Variants in LINGO2 observed in about 807,000 individuals in gnomAD.
The protein encoded by LINGO2 is leucine rich repeat and Ig domain containing 2.
Under a neutral mutation model 30.6 loss-of-function variants are expected in LINGO2, and 14 were observed. The ratio of observed to expected loss-of-function variants is 0.46; its 90% CI spans 0.30 to 0.72. The LOEUF is 0.72. Among genes scored for constraint, LINGO2 ranks in the 30% least tolerant of loss-of-function variants. The probability of loss-of-function intolerance (pLI) is 0.07; values close to 1 mark genes in which losing one functional copy is unlikely to be tolerated. For missense variants in LINGO2, 729 were observed against 751.7 expected (o/e 0.97, Z 0.35); for synonymous variants, 317 against 288.5 (o/e 1.10, Z -1.00).
At chr9:28,494,441 C>T (rs1251977808) in intron 1 of LINGO2, among the ~76,000 whole-genome samples, 1 of 152,122 alleles carries the variant, frequency 6.6e-6, no homozygotes, top group African/African-American at 2.4e-5. Context: ...TTGTTCAGTT[C>T]CCACTTTTGA....
intron 1 of LINGO2, among the ~76,000 whole-genome samples, chr9:28,618,542 T>A (rs754896778): frequency 6.6e-6 from 1 of 152,164 alleles, no homozygotes; most frequent in African/African-American, 2.4e-5. Context: ...TCTCTAGTGA[T>A]TCTTCATCAT....
chr9:28,510,086 G>T (rs1015968898), intron 1 of LINGO2, among the ~76,000 whole-genome samples: 2 of 152,176 alleles, frequency 1.3e-5, no homozygotes. Flanking sequence ...GTTGATTAGG[G>T]CTTGGAAATG....
chr9:28,010,323 C>T (rs958019287), intron 5 of LINGO2, among the ~76,000 whole-genome samples: 5 of 152,132 alleles, frequency 3.3e-5, no homozygotes, highest in African/African-American at 1.2e-4. Flanking sequence ...TGAGTTGTAA[C>T]AGCATTGAGT....
At chr9:28,875,570 T>C in the LINGO2 span, among the ~76,000 whole-genome samples, 4 of 152,204 alleles carry the variant, frequency 2.6e-5, no homozygotes, top group Middle Eastern at 6.8e-3. Flanking sequence ...GGGGCATATA[T>C]TGCATTTATT....
At chr9:28,023,205 T>C (rs1041785844) in intron 4 of LINGO2, among the ~76,000 whole-genome samples, 3 of 152,192 alleles carry the variant, frequency 2.0e-5, no homozygotes, top group Non-Finnish European at 4.4e-5. Flanking sequence ...TTTTTCTTGT[T>C]TTACTATACC....
rs145653745 is a variant in LINGO2 at position 28,344,589 on chromosome 9, A to G, written c.-246+28247T>C. 5.8e-3 allele frequency among the ~76,000 whole-genome samples: 877 copies of G among 152,206 alleles called. 7 individuals carry two copies. Among genetic ancestry groups the G allele is most frequent in the African/African-American group, 0.02 (841 of 41,554 alleles). ...TGAATTGTGGGATTAGATTATTTTTATTCTTTTCTGTTTGCTTTTGTGGAT... is the reference window on the plus strand; with the variant it reads ...TGAATTGTGGGATTAGATTATTTTTGTTCTTTTCTGTTTGCTTTTGTGGAT... On this transcript the variant is annotated intron_variant, in intron 3 of 5. Transcript: ENST00000379992.
At chr9:28,718,058 TATAAC>T in the LINGO2 span, among the ~76,000 whole-genome samples, 1 of 151,848 alleles carries the variant, frequency 6.6e-6, no homozygotes, top group African/African-American at 2.4e-5. Flanking sequence ...TAGGCAATGT[TATAAC>T]AGAGATGGCA....
At chr9:28,612,456 TG>T (rs1825960721) in intron 1 of LINGO2, among the ~76,000 whole-genome samples, 1 of 152,154 alleles carries the variant, frequency 6.6e-6, no homozygotes, top group South Asian at 2.1e-4. Context: ...AGGGGGGCTA[TG>T]TCCTGGAAAG....
At chr9:28,770,930 T>G in the LINGO2 span, among the ~76,000 whole-genome samples, 1 of 152,202 alleles carries the variant, frequency 6.6e-6, no homozygotes. Context: ...AAAATCATCC[T>G]GGCTTAATGG....
chr9:28,125,433 T>C (rs1280841422), intron 4 of LINGO2, among the ~76,000 whole-genome samples: 1 of 152,224 alleles, frequency 6.6e-6, no homozygotes, highest in Non-Finnish European at 1.5e-5. Context: ...AAAACTTCTT[T>C]TAGCACATTA....
intron 1 of LINGO2, among the ~76,000 whole-genome samples, chr9:28,527,211 T>A: frequency 6.6e-6 from 1 of 152,160 alleles, no homozygotes; most frequent in East Asian, 1.9e-4. Context: ...ATTAAATAAA[T>A]GCAGAGCTGA....
chr9:28,540,549 A>C lies in LINGO2; in HGVS notation c.-364-64524T>G, dbSNP rs559201893. Among the ~76,000 whole-genome samples, 75 of 152,280 alleles carry C rather than the reference A, an allele frequency of 4.9e-4. 2 individuals are homozygous for C. The South Asian group carries it at 0.013, about 27-fold the overall frequency. On this transcript the variant is annotated intron_variant, in intron 1 of 5. Transcript: ENST00000379992. Reference sequence around the variant, plus strand: ...AGTGCTGGGATTACAGGTGTGAACCACCACACTTGGCCCATTTTTCAGTTC... The same window carrying C: ...AGTGCTGGGATTACAGGTGTGAACCCCCACACTTGGCCCATTTTTCAGTTC...
chr9:28,292,133 C>T (rs926568047), intron 4 of LINGO2, among the ~76,000 whole-genome samples: 2 of 152,178 alleles, frequency 1.3e-5, no homozygotes, highest in African/African-American at 2.4e-5. Flanking sequence ...TGTGGAAGCA[C>T]TTGTTTGGAT....
chr9:28,707,281 T>G, the LINGO2 span, among the ~76,000 whole-genome samples: 1 of 152,078 alleles, frequency 6.6e-6, no homozygotes, highest in Admixed American at 6.6e-5. Flanking sequence ...TGGCTGGGAA[T>G]AAAGAGAGAC....
rs184670672 is a variant in LINGO2, at chr9:28,186,819, C to T, written c.-87+108389G>A. Among the ~76,000 whole-genome samples, 5 of 152,004 alleles carry T rather than the reference C, an allele frequency of 3.3e-5. No individual in the cohort carries two copies. The East Asian group carries it at 5.8e-4, about 18-fold the overall frequency. ...ACAAGCAGCAAGAGGACCAGGGTGC[C>T]GGAGCAGATCAGCAAGGAGAAGTGT... On this transcript the variant is annotated intron_variant, in intron 4 of 5. Coordinates refer to ENST00000379992, the Ensembl canonical transcript of LINGO2.
the LINGO2 span, among the ~76,000 whole-genome samples, chr9:29,046,035 G>T: frequency 4.5e-4 from 69 of 152,184 alleles, no homozygotes; most frequent in Middle Eastern, 3.4e-3. Flanking sequence ...GAGCTTTCAG[G>T]CCAAAACTAT....
intron 1 of LINGO2, among the ~76,000 whole-genome samples, chr9:28,666,732 C>T (rs918189816): frequency 2.0e-5 from 3 of 152,012 alleles, no homozygotes; most frequent in Non-Finnish European, 4.4e-5. Context: ...GAAAAAGAGA[C>T]ATATCCAGAA....
chr9:28,320,446 G>A (rs1371351438), intron 3 of LINGO2, among the ~76,000 whole-genome samples: 1 of 152,120 alleles, frequency 6.6e-6, no homozygotes, highest in Non-Finnish European at 1.5e-5. Context: ...CATAATTGGT[G>A]ACAATTTCAG....
chr9:28,158,918 A>G (rs1051181351), intron 4 of LINGO2, among the ~76,000 whole-genome samples: 2 of 152,234 alleles, frequency 1.3e-5, no homozygotes, highest in Non-Finnish European at 2.9e-5. Context: ...TTTGAAAAAC[A>G]TGGCTTTATT....
Sources: allele counts gnomAD v4.1 joint callset (sites outside exome capture counted in the v4.1 genomes callset), GRCh38; gene constraint gnomAD v4.1.1; transcripts MANE v1.5; gene names NCBI Gene and HGNC (gene_info 2026-07-23, HGNC 2026-07-21).